PRR5L: variants seen among roughly 807,000 people sequenced by gnomAD.
PRR5L encodes the protein proline rich 5 like, also known as proline-rich protein 5-like.
Under a neutral mutation model 36.4 loss-of-function variants are expected in PRR5L, and 21 were observed. The observed-to-expected ratio is 0.58, with a 90% CI of 0.41 to 0.83. PRR5L has a LOEUF of 0.83. Ranked by LOEUF, PRR5L falls within the 40% of genes least tolerant of loss-of-function variation. The pLI, the probability that PRR5L is intolerant of heterozygous loss-of-function variation, is 0.00. For synonymous variants in PRR5L, 188 were observed against 197.0 expected, an observed-to-expected ratio of 0.95 and a Z score of 0.38; for missense variants, 381 against 473.3, an observed-to-expected ratio of 0.80 and a Z score of 1.81.
At chr11:36,455,731 G>C (rs1350124058) in intron 8 of PRR5L, among the ~76,000 whole-genome samples, 1 of 152,202 alleles carries the variant, frequency 6.6e-6, no homozygotes, top group Non-Finnish European at 1.5e-5. Context: ...AAGAGTGTCG[G>C]TCGCTGTCTG....
At chr11:36,368,628 C>T (rs1857168517) in intron 1 of PRR5L, among the ~76,000 whole-genome samples, 1 of 152,186 alleles carries the variant, frequency 6.6e-6, no homozygotes, top group South Asian at 2.1e-4. Flanking sequence ...TGGAATTTTC[C>T]AGAGTCTACG....
At chr11:36,312,372 C>T (rs1362027994) in intron 1 of PRR5L, among the ~76,000 whole-genome samples, 2 of 152,152 alleles carry the variant, frequency 1.3e-5, no homozygotes, top group African/African-American at 4.8e-5. Context: ...GTTGTGTACT[C>T]GGAAGGTAAA....
At chr11:36,298,948 C>T (rs1856343882) in intron 1 of PRR5L, among the ~76,000 whole-genome samples, 1 of 152,164 alleles carries the variant, frequency 6.6e-6, no homozygotes, top group African/African-American at 2.4e-5. Context: ...TAAGGCCTAC[C>T]CTAAGGGGTT....
At chr11:36,330,521 G>A (rs543975687) in intron 1 of PRR5L, among the ~76,000 whole-genome samples, 1 of 152,224 alleles carries the variant, frequency 6.6e-6, no homozygotes, top group South Asian at 2.1e-4. Context: ...CCTTTCCGTG[G>A]GTCTTGAGAG....
intron 1 of PRR5L, among the ~76,000 whole-genome samples, chr11:36,375,522 T>A (rs1393399681): frequency 2.0e-5 from 3 of 152,136 alleles, no homozygotes; most frequent in Non-Finnish European, 4.4e-5. Context: ...GACATGCACA[T>A]CTTTTTCTTC....
intron 1 of PRR5L, chr11:36,323,380 G>A (rs1362201494): frequency 1.3e-5 from 2 of 152,250 alleles, no homozygotes; most frequent in Admixed American, 1.3e-4. Context: ...GGGTGCCAAA[G>A]GTAGCAGGGT....
At position 36,326,325 on chromosome 11, in the gene PRR5L, A is replaced by ACACACG. The variant is rs1554984641; in HGVS notation, c.-126+29892_-126+29893insGCACAC. On this transcript the variant is annotated intron_variant, in intron 1 of 8. Coordinates refer to ENST00000530639, the MANE Select transcript of PRR5L (RefSeq NM_001160167.2). ...GATACACACACACACACACACACAC[A>ACACACG]CACACACACACAGGCAAACCATTAT... 9.3e-4 allele frequency among the ~76,000 whole-genome samples: 141 copies of ACACACG among 151,926 alleles called. No homozygotes were observed. The Middle Eastern group carries it at 0.01, about 11-fold the overall frequency.
chr11:36,456,925 T>A (rs1181334094), intron 8 of PRR5L, among the ~76,000 whole-genome samples: 1 of 152,196 alleles, frequency 6.6e-6, no homozygotes, highest in African/African-American at 2.4e-5. Context: ...CAGGTAGTAG[T>A]GTTTGTTGAA....
At chr11:36,405,653 A>T (rs1178783284) in intron 3 of PRR5L, among the ~76,000 whole-genome samples, 1 of 152,230 alleles carries the variant, frequency 6.6e-6, no homozygotes, top group East Asian at 1.9e-4. Flanking sequence ...CTCCTTTCTG[A>T]CTTAGATACC....
chr11:36,417,920 G>C (rs1276029325), intron 3 of PRR5L, among the ~76,000 whole-genome samples: 1 of 152,194 alleles, frequency 6.6e-6, no homozygotes, highest in Non-Finnish European at 1.5e-5. Flanking sequence ...CACTGGATCT[G>C]GGGAGCCAGT....
chr11:36,392,592 CT>C (rs751796473), intron 1 of PRR5L, among the ~76,000 whole-genome samples: 1 of 152,170 alleles, frequency 6.6e-6, no homozygotes, highest in Non-Finnish European at 1.5e-5. Flanking sequence ...CATTTTCACA[CT>C]GCTGTAAAGA....
chr11:36,321,572 CA>C (rs1051752891), intron 1 of PRR5L: 6 of 152,272 alleles, frequency 3.9e-5, no homozygotes, highest in African/African-American at 1.4e-4. Context: ...AGTGCCCATA[CA>C]GCATGCCTGA....
chr11:36,459,724 C>T (rs1043794881), intron 8 of PRR5L, among the ~76,000 whole-genome samples: 1 of 152,224 alleles, frequency 6.6e-6, no homozygotes, highest in Non-Finnish European at 1.5e-5. Context: ...TTCTTAAGTG[C>T]TATCCTGTGT....
intron 6 of PRR5L, among the ~76,000 whole-genome samples, chr11:36,444,204 G>A (rs955899208): frequency 6.6e-6 from 1 of 152,218 alleles, no homozygotes; most frequent in African/African-American, 2.4e-5. Context: ...ACAAGTGAGG[G>A]AGGTCAATAT....
chr11:36,300,627 C>T (rs1232020784), intron 1 of PRR5L, among the ~76,000 whole-genome samples: 1 of 150,492 alleles, frequency 6.6e-6, no homozygotes, highest in East Asian at 1.9e-4. Flanking sequence ...AAGATGACTT[C>T]CGAATATGAA....
chr11:36,346,687 C>T (rs2133484703), intron 1 of PRR5L, among the ~76,000 whole-genome samples: 1 of 151,960 alleles, frequency 6.6e-6, no homozygotes, highest in South Asian at 2.1e-4. Flanking sequence ...ATAGACGAAA[C>T]TGTGGAGCAT....
At chr11:36,410,144 C>G (rs1049869715) in intron 3 of PRR5L, among the ~76,000 whole-genome samples, 1 of 152,182 alleles carries the variant, frequency 6.6e-6, no homozygotes, top group African/African-American at 2.4e-5. Flanking sequence ...ACAGACTTGG[C>G]TTTCAGGTTA....
chr11:36,309,922 A>G (rs565542067), intron 1 of PRR5L, among the ~76,000 whole-genome samples: 3 of 15,018 alleles, frequency 2.0e-4, no homozygotes, highest in East Asian at 4.0e-3. Flanking sequence ...TTATGTGGCA[A>G]TTCTTTGACT....
At chr11:36,343,542 G>T (rs938821171) in intron 1 of PRR5L, among the ~76,000 whole-genome samples, 2 of 152,136 alleles carry the variant, frequency 1.3e-5, no homozygotes, top group East Asian at 1.9e-4. Flanking sequence ...CACTGAGCAC[G>T]CAGTAAAGGC....
Sources: allele counts gnomAD v4.1 joint callset (sites outside exome capture counted in the v4.1 genomes callset), GRCh38; gene constraint gnomAD v4.1.1; transcripts MANE v1.5; gene names NCBI Gene and HGNC (gene_info 2026-07-23, HGNC 2026-07-21).